UBE2S: variants seen among roughly 807,000 people sequenced by gnomAD.
UBE2S encodes ubiquitin conjugating enzyme E2 S, also known as ubiquitin-conjugating enzyme E2 S.
In UBE2S, 3 loss-of-function variants were observed where a neutral mutation model predicts 12.3. The ratio of observed to expected loss-of-function variants is 0.24; its 90% CI spans 0.11 to 0.63. The LOEUF (loss-of-function observed/expected upper bound fraction) is 0.63, where lower values mean the gene tolerates loss of function less well. Among genes scored for constraint, UBE2S ranks in the 30% least tolerant of loss-of-function variants. The pLI, the probability that UBE2S is intolerant of heterozygous loss-of-function variation, is 0.85. For synonymous variants in UBE2S, 133 were observed against 142.0 expected (o/e 0.94, Z 0.45); for missense variants, 211 against 313.9 (o/e 0.67, Z 2.48).
intron 2 of UBE2S, among the ~76,000 whole-genome samples, chr19:55,405,704 A>G (rs2090092701): frequency 6.6e-6 from 1 of 152,042 alleles, no homozygotes; most frequent in Non-Finnish European, 1.5e-5. Flanking sequence ...GCAGGGACCC[A>G]AGTACGCACT....
chr19:55,403,306 G>A (rs1600320139), intron 3 of UBE2S: 1 of 563,168 alleles, frequency 1.8e-6, no homozygotes, highest in East Asian at 2.9e-5. Context: ...CCTCTAATGA[G>A]ACCCCATCTC....
At chr19:55,403,126 T>C (rs764464739) in intron 3 of UBE2S, 2 of 803,010 alleles carry the variant, frequency 2.5e-6, no homozygotes, top group Admixed American at 2.0e-5. Context: ...CACCCCCGAG[T>C]TGTGACAACC....
At chr19:55,407,488 C>T in intron 1 of UBE2S, 99 bp downstream of exon 1, 1 of 1,371,960 alleles carries the variant, frequency 7.3e-7, no homozygotes, top group Non-Finnish European at 9.7e-7. Flanking sequence ...GGCTGGCCCT[C>T]AAACCCCTCA....
At chr19:55,403,123 G>A (rs755103574) in intron 3 of UBE2S, 36 of 814,900 alleles carry the variant, frequency 4.4e-5, no homozygotes, top group Admixed American at 2.4e-4. Context: ...TGGCACCCCC[G>A]AGTTGTGACA....
Position 55,401,116 on chromosome 19 carries a change from C to A in UBE2S, c.*320G>T, listed in dbSNP as rs1041717299. 9.6e-6 allele frequency: 4 copies of A among 418,178 alleles called. No homozygotes were observed. Among genetic ancestry groups the A allele is most frequent in the African/African-American group, 4.1e-5 (2 of 48,338 alleles). The allele number at this position is 418,178 out of a possible 1,614,324, so 25.9% of individuals were successfully genotyped here. On this transcript the variant is annotated 3_prime_UTR_variant, in exon 4 of 4. Coordinates refer to ENST00000264552, the MANE Select transcript of UBE2S (RefSeq NM_014501.3). The stretch of plus-strand genomic sequence containing the variant: ...TTGTGACCGCTCTACCTCCACAGAA[C>A]AAAGAGGTGGACCCAAACCTCAAAC...
chr19:55,404,366 C>T lies in UBE2S; in HGVS notation c.264G>A (p.Val88=), dbSNP rs993909858. 7 of 1,613,944 alleles carry T rather than the reference C, an allele frequency of 4.3e-6. No homozygotes were observed. In the South Asian group the frequency reaches 7.7e-5, roughly 18 times the overall value. The change falls in exon 3 of 4, where the codon GTG becomes GTA. Residue 88 remains valine (V), a synonymous_variant. Transcript: ENST00000264552. The surrounding 1 kb of genome is among the most constrained non-coding windows in gnomAD (Gnocchi z 4.4). ...YFLTKIFHPN[V]GANGEICVNV... ...TGACGCAGATCTCGCCATTGGCGCC[C>T]ACGTTCGGGTGGAAGATCTTGGTCA...
At chr19:55,403,751 T>C (rs1363067889) in intron 3 of UBE2S, among the ~76,000 whole-genome samples, 3 of 151,152 alleles carry the variant, frequency 2.0e-5, no homozygotes, top group African/African-American at 7.3e-5. Flanking sequence ...TATTTTTTTT[T>C]TTTTTTTGAG....
At chr19:55,403,134 AC>A (rs1259765174) in intron 3 of UBE2S, 28 of 772,886 alleles carry the variant, frequency 3.6e-5, no homozygotes, top group Non-Finnish European at 5.8e-5. Context: ...AGTTGTGACA[AC>A]CCTTTCTGGT....
chr19:55,401,857 C>CGAGGG, intron 3 of UBE2S, 95 bp from the exon 4 acceptor site: 2 of 1,308,838 alleles, frequency 1.5e-6, no homozygotes, highest in South Asian at 1.2e-5. Context: ...GCTGTTCCTT[C>CGAGGG]TGCTCCCAAC....
chr19:55,402,127 T>A (rs1220584986), intron 3 of UBE2S, among the ~76,000 whole-genome samples: 1 of 152,152 alleles, frequency 6.6e-6, no homozygotes, highest in Non-Finnish European at 1.5e-5. Context: ...TGAATTTGCC[T>A]CCATGCAGTT....
At chr19:55,401,849 T>C (rs919058272) in intron 3 of UBE2S, 87 bp from the exon 4 acceptor site, 3 of 1,402,486 alleles carry the variant, frequency 2.1e-6, no homozygotes, top group Admixed American at 3.7e-5. Flanking sequence ...CCGCACTGGC[T>C]GTTCCTTCTG....
intron 3 of UBE2S, among the ~76,000 whole-genome samples, chr19:55,402,764 GC>G (rs1363259317): frequency 6.6e-6 from 1 of 152,156 alleles, no homozygotes; most frequent in Non-Finnish European, 1.5e-5. Flanking sequence ...GTCCCCAGCA[GC>G]CTCCAATGAC....
At chr19:55,407,555 C>A in intron 1 of UBE2S, 32 bp downstream of exon 1, 2 of 1,521,432 alleles carry the variant, frequency 1.3e-6, no homozygotes, top group East Asian at 2.8e-5. Flanking sequence ...ACACCCCCGA[C>A]CACCTTCATG....
Position 55,404,580 on chromosome 19 carries a change from G to C in UBE2S, c.152-102C>G. On this transcript the variant is annotated intron_variant, in intron 2 of 3. Coordinates refer to ENST00000264552, the MANE Select transcript of UBE2S (RefSeq NM_014501.3). This position sits in a 1 kb window ranked among gnomAD's most constrained non-coding sequence, Gnocchi z 4.4. Reference sequence around the variant, plus strand: ...CACGGTCTGATTGTGATGCAGGTGGGTGCCCCGCCAACTCTGCCAACAGAC... The same window carrying C: ...CACGGTCTGATTGTGATGCAGGTGGCTGCCCCGCCAACTCTGCCAACAGAC... 1 of 1,090,112 alleles carries C rather than the reference G, an allele frequency of 9.2e-7. No homozygotes were observed. The highest frequency in any genetic ancestry group is 2.9e-5 in the Admixed American group (1 of 34,044). 67.5% of individuals were successfully genotyped at this position (1,090,112 alleles called of 1,614,324 possible).
At position 55,404,697 on chromosome 19, in the gene UBE2S, C is replaced by T. The variant is rs1420026668; in HGVS notation, c.152-219G>A. On this transcript the variant is annotated intron_variant, in intron 2 of 3. Coordinates refer to ENST00000264552, the MANE Select transcript of UBE2S (RefSeq NM_014501.3). The surrounding 1 kb of genome is among the most constrained non-coding windows in gnomAD (Gnocchi z 4.4). ...CACAATCTCAGTTCACTGCCGCCTG[C>T]AATTCCTGGGCTCAGGTGATCCCAT... Among the ~76,000 whole-genome samples the T allele has an allele frequency of 6.6e-6, 1 of 152,190 alleles. No individual in the cohort carries two copies. Among genetic ancestry groups the T allele is most frequent in the Non-Finnish European group, 1.5e-5 (1 of 68,030 alleles).
chr19:55,401,864 C>A, intron 3 of UBE2S, 102 bp from the exon 4 acceptor site: 6 of 1,271,098 alleles, frequency 4.7e-6, no homozygotes, highest in Non-Finnish European at 6.7e-6. Flanking sequence ...CTTCTGCTCC[C>A]AACTCAGCTG....
rs567912804 is a variant in UBE2S, at chr19:55,401,547, C to G, written c.558G>C (p.Gly186=). Residue 186 remains glycine, a synonymous_variant, in exon 4 of 4, where the codon GGG becomes GGC. Coordinates refer to ENST00000264552, the MANE Select transcript of UBE2S (RefSeq NM_014501.3). The part of the protein sequence containing the change: ...EASSTDPGAP[G]GPGGAEGPMA... ...TGGGACCCTCAGCCCCTCCCGGGCCCCCTGGGGCCCCAGGGTCGGTGGAGG... is the reference window on the plus strand; with the variant it reads ...TGGGACCCTCAGCCCCTCCCGGGCCGCCTGGGGCCCCAGGGTCGGTGGAGG... 1.2e-5 allele frequency: 20 copies of G among 1,610,504 alleles called. No homozygotes were observed. The South Asian group carries it at 1.4e-4, about 12-fold the overall frequency.
At chr19:55,403,508 A>G (rs12462967) in intron 3 of UBE2S, among the ~76,000 whole-genome samples, 9 of 139,700 alleles carry the variant, frequency 6.4e-5, no homozygotes. Flanking sequence ...GAAAGAAAGG[A>G]AAGAAAGGGA....
In UBE2S at chr19:55,404,692, G is replaced by T. The variant is rs1165737874; in HGVS notation, c.152-214C>A. Among the ~76,000 whole-genome samples, 5 of 152,176 alleles carry T rather than the reference G, an allele frequency of 3.3e-5. No homozygotes were observed. The highest frequency in any genetic ancestry group is 1.2e-4 in the African/African-American group (5 of 41,440). On this transcript the variant is annotated intron_variant, in intron 2 of 3. Coordinates refer to ENST00000264552, the MANE Select transcript of UBE2S (RefSeq NM_014501.3). This position sits in a 1 kb window ranked among gnomAD's most constrained non-coding sequence, Gnocchi z 4.4. The stretch of plus-strand genomic sequence containing the variant: ...AGTGGCACAATCTCAGTTCACTGCC[G>T]CCTGCAATTCCTGGGCTCAGGTGAT...
Sources: allele counts gnomAD v4.1 joint callset (sites outside exome capture counted in the v4.1 genomes callset), GRCh38; gene constraint gnomAD v4.1.1; non-coding constraint Gnocchi (gnomAD v3.1); transcripts MANE v1.5; gene names NCBI Gene and HGNC (gene_info 2026-07-23, HGNC 2026-07-21).